RALGAPA1: variants seen among roughly 807,000 people sequenced by gnomAD.
RALGAPA1 encodes Ral GTPase activating protein catalytic subunit alpha 1.
Under a neutral mutation model 269.6 loss-of-function variants are expected in RALGAPA1, and 52 were observed. The ratio of observed to expected loss-of-function variants is 0.19; its 90% confidence interval spans 0.15 to 0.24. The LOEUF is 0.24. Among genes scored for constraint, RALGAPA1 ranks in the 10% least tolerant of loss-of-function variants. The pLI is 1.00. For missense variants in RALGAPA1, 1,917 were observed against 3,013.9 expected (o/e 0.64, Z 8.52); for synonymous variants, 817 against 1,008.3 (o/e 0.81, Z 3.60).
At chr14:35,666,462 T>C (rs2063949424) in intron 26 of RALGAPA1, among the ~76,000 whole-genome samples, 1 of 152,186 alleles carries the variant, frequency 6.6e-6, no homozygotes. Context: ...TGACCTCAAG[T>C]GATCTGCCTG....
At chr14:35,762,521 G>T (rs1474067692) in intron 5 of RALGAPA1, among the ~76,000 whole-genome samples, 189 bp downstream of exon 5, 1 of 152,182 alleles carries the variant, frequency 6.6e-6, no homozygotes, top group African/African-American at 2.4e-5. Flanking sequence ...CTCCCAAAGT[G>T]CAGAGATTAC....
chr14:35,720,722 C>G (rs2069328509), intron 16 of RALGAPA1, among the ~76,000 whole-genome samples: 1 of 152,162 alleles, frequency 6.6e-6, no homozygotes, highest in African/African-American at 2.4e-5. Flanking sequence ...AGGCCAGGAA[C>G]TGAAGACCAG....
At chr14:35,763,654 T>C (rs1489210539) in intron 4 of RALGAPA1, among the ~76,000 whole-genome samples, 2 of 152,086 alleles carry the variant, frequency 1.3e-5, no homozygotes, top group African/African-American at 4.8e-5. Flanking sequence ...CATACCAAAA[T>C]TTATTTATCG....
chr14:35,606,658 A>C (rs1169900511), intron 35 of RALGAPA1, among the ~76,000 whole-genome samples: 1 of 152,166 alleles, frequency 6.6e-6, no homozygotes, highest in Non-Finnish European at 1.5e-5. Context: ...CAAGCTAACT[A>C]AGTCATGCTA....
intron 39 of RALGAPA1, among the ~76,000 whole-genome samples, chr14:35,557,486 C>T (rs1227686390): frequency 6.6e-6 from 1 of 152,072 alleles, no homozygotes; most frequent in Non-Finnish European, 1.5e-5. Flanking sequence ...TCATTTAAGA[C>T]AGTGTCATAG....
intron 4 of RALGAPA1, among the ~76,000 whole-genome samples, chr14:35,770,621 T>C (rs2074540303): frequency 6.6e-6 from 1 of 152,200 alleles, no homozygotes; most frequent in Non-Finnish European, 1.5e-5. Context: ...TTTTCTTCCA[T>C]CTCTGATTCA....
chr14:35,744,164 G>A (rs1003076830), intron 10 of RALGAPA1, among the ~76,000 whole-genome samples: 16 of 152,114 alleles, frequency 1.1e-4, no homozygotes, highest in African/African-American at 3.4e-4. Flanking sequence ...CTGAGGGCGG[G>A]AGTTCAAGAC....
chr14:35,671,917 G>A (rs1335130954), intron 25 of RALGAPA1, among the ~76,000 whole-genome samples: 1 of 152,032 alleles, frequency 6.6e-6, no homozygotes, highest in Admixed American at 6.6e-5. Context: ...CGTGACAATT[G>A]GAAAGATTCT....
At chr14:35,757,989 C>T (rs893043517) in intron 6 of RALGAPA1, among the ~76,000 whole-genome samples, 3 of 152,216 alleles carry the variant, frequency 2.0e-5, no homozygotes, top group Admixed American at 6.5e-5. Context: ...TGGCTCACGC[C>T]TATAATCCCA....
At chr14:35,610,132 G>T (rs1379811514) in intron 35 of RALGAPA1, among the ~76,000 whole-genome samples, 1 of 151,516 alleles carries the variant, frequency 6.6e-6, no homozygotes, top group Admixed American at 6.6e-5. Flanking sequence ...AATAAAAAAA[G>T]ACTCAAAATG....
chr14:35,616,922 T>G (rs180816854), intron 35 of RALGAPA1, among the ~76,000 whole-genome samples: 2 of 152,134 alleles, frequency 1.3e-5, no homozygotes, highest in African/African-American at 4.8e-5. Context: ...CAAGATATAT[T>G]GTTATGGAGA....
chr14:35,598,655 G>C (rs1432602639), intron 36 of RALGAPA1, among the ~76,000 whole-genome samples: 1 of 151,914 alleles, frequency 6.6e-6, no homozygotes, highest in African/African-American at 2.4e-5. Context: ...CCTGGCCTCA[G>C]GTGATCTGCC....
rs568429973 is a variant in RALGAPA1, at chr14:35,788,063, C to T, written c.107-12318G>A. Among the ~76,000 whole-genome samples the T allele has an allele frequency of 1.2e-3, 177 of 152,264 alleles. 4 individuals carry two copies. The South Asian group carries it at 0.033, about 29-fold the overall frequency. On this transcript the variant is annotated intron_variant, in intron 1 of 41. Coordinates refer to ENST00000680220, the MANE Select transcript of RALGAPA1 (RefSeq NM_001346249.2). ...CTCAGCTCACTGCAACTTCTGCCTC[C>T]TGGATTCAAGCGATTCTCCTGCCTC...
At chr14:35,629,586 C>T (rs1455446575) in intron 33 of RALGAPA1, among the ~76,000 whole-genome samples, 1 of 152,132 alleles carries the variant, frequency 6.6e-6, no homozygotes, top group African/African-American at 2.4e-5. Context: ...TCACTGCAAC[C>T]TCCACCTCCC....
In RALGAPA1 at chr14:35,799,564, A is replaced by G. The variant is rs78984800; in HGVS notation, c.106+9166T>C. On this transcript the variant is annotated intron_variant, in intron 1 of 41. Transcript: ENST00000680220. ...GCAACAGAGCGAGACTCGGTCCCAGAAAAAAAAAAAAAGAAAAAAGGTATA... is the reference window on the plus strand; with the variant it reads ...GCAACAGAGCGAGACTCGGTCCCAGGAAAAAAAAAAAAGAAAAAAGGTATA... Among the ~76,000 whole-genome samples, 653 of 100,660 alleles carry G rather than the reference A, an allele frequency of 6.5e-3. 4 individuals are homozygous for G. Among genetic ancestry groups the G allele is most frequent in the African/African-American group, 0.029 (625 of 21,826 alleles). The allele number at this position is 100,660 out of a possible 152,430, so 66.0% of individuals were successfully genotyped here. A position where few individuals can be genotyped will look rare whatever the true frequency, so the allele number is the denominator to read the frequency against.
intron 7 of RALGAPA1, among the ~76,000 whole-genome samples, chr14:35,753,111 G>T (rs1206718338): frequency 6.6e-6 from 1 of 152,166 alleles, no homozygotes; most frequent in African/African-American, 2.4e-5. Flanking sequence ...AGTGGACAAG[G>T]AAGGTACGAG....
At chr14:35,753,851 T>G (rs1227196069) in intron 7 of RALGAPA1, among the ~76,000 whole-genome samples, 1 of 152,170 alleles carries the variant, frequency 6.6e-6, no homozygotes, top group South Asian at 2.1e-4. Context: ...CATATCTCAA[T>G]AAAGCTGTTT....
intron 32 of RALGAPA1, among the ~76,000 whole-genome samples, chr14:35,635,223 T>C (rs2061595802): frequency 6.6e-6 from 1 of 151,962 alleles, no homozygotes; most frequent in African/African-American, 2.4e-5. Flanking sequence ...TTACAAAGAA[T>C]GACTAAAATT....
At chr14:35,784,467 G>A (rs936604234) in intron 1 of RALGAPA1, among the ~76,000 whole-genome samples, 1 of 152,238 alleles carries the variant, frequency 6.6e-6, no homozygotes, top group African/African-American at 2.4e-5. Flanking sequence ...AGGAAGTAAG[G>A]AGAAATGGGG....
Sources: allele counts gnomAD v4.1 joint callset (sites outside exome capture counted in the v4.1 genomes callset), GRCh38; gene constraint gnomAD v4.1.1; transcripts MANE v1.5; gene names NCBI Gene and HGNC (gene_info 2026-07-23, HGNC 2026-07-21).